REEP1: variants seen among roughly 807,000 people sequenced by gnomAD.
REEP1 encodes receptor expression-enhancing protein 1.
Under a neutral mutation model 40.3 loss-of-function variants are expected in REEP1, and 22 were observed. The observed-to-expected ratio is 0.55, with a 90% CI of 0.39 to 0.78. The LOEUF is 0.78. Among genes scored for constraint, REEP1 ranks in the 30% least tolerant of loss-of-function variants. The pLI is 0.00. For missense variants in REEP1, 280 were observed against 361.1 expected, an observed-to-expected ratio of 0.78 and a Z score of 1.82; for synonymous variants, 116 against 139.2, an observed-to-expected ratio of 0.83 and a Z score of 1.17.
Position 86,240,411 on chromosome 2 carries a change from C to T in REEP1, c.418-7609G>A, listed in dbSNP as rs77355479. On this transcript the variant is annotated intron_variant, in intron 5 of 8. Transcript: ENST00000538924. ...ATGGCACCGTCACCGTGGCTGAGCA[C>T]GTGCAGAGGCCTCATCCTCTCACAC... Among the ~76,000 whole-genome samples, 256 of 152,334 alleles carry T rather than the reference C, an allele frequency of 1.7e-3. 3 individuals are homozygous for T. The highest frequency in any genetic ancestry group is 7.3e-3 in the East Asian group (38 of 5,174).
intron 2 of REEP1, among the ~76,000 whole-genome samples, chr2:86,275,789 C>T (rs1312954484): frequency 6.6e-6 from 1 of 152,192 alleles, no homozygotes; most frequent in African/African-American, 2.4e-5. Flanking sequence ...GTCATTTCCA[C>T]GTCTTTGTGA....
At chr2:86,273,617 A>T (rs1027897032) in intron 2 of REEP1, among the ~76,000 whole-genome samples, 1 of 151,984 alleles carries the variant, frequency 6.6e-6, no homozygotes, top group Non-Finnish European at 1.5e-5. Context: ...TCAAAAGCTC[A>T]TCCACACCCC....
chr2:86,282,082 C>T, intron 2 of REEP1, 88 bp downstream of exon 2: 1 of 869,702 alleles, frequency 1.1e-6, no homozygotes, highest in Non-Finnish European at 2.0e-6. Context: ...TTCCAGTGCC[C>T]ATAGCACGGA....
intron 1 of REEP1, among the ~76,000 whole-genome samples, chr2:86,287,285 TCC>T (rs943125079): frequency 9.9e-5 from 15 of 152,088 alleles, no homozygotes; most frequent in Admixed American, 2.6e-4. Flanking sequence ...CCAGGGTTTC[TCC>T]ACATTGTCGA....
At chr2:86,260,204 T>C (rs1676783520) in intron 3 of REEP1, among the ~76,000 whole-genome samples, 3 of 152,110 alleles carry the variant, frequency 2.0e-5, no homozygotes, top group South Asian at 2.1e-4. Context: ...GGTGAGGACA[T>C]GATCAGGCTG....
At chr2:86,259,323 ACTTACT>A (rs1558895205) in intron 3 of REEP1, among the ~76,000 whole-genome samples, 3 of 151,880 alleles carry the variant, frequency 2.0e-5, no homozygotes, top group Admixed American at 1.3e-4. Flanking sequence ...GAAGAGAGAC[ACTTACT>A]CTTCAGTGTA....
At chr2:86,280,895 C>G (rs1406292034) in intron 2 of REEP1, among the ~76,000 whole-genome samples, 2 of 152,124 alleles carry the variant, frequency 1.3e-5, no homozygotes, top group Non-Finnish European at 2.9e-5. Flanking sequence ...CTAAGCCCAC[C>G]TTGAATTGTT....
chr2:86,314,090 CACAGTGA>C (rs1679883203), intron 1 of REEP1, among the ~76,000 whole-genome samples: 1 of 152,188 alleles, frequency 6.6e-6, no homozygotes, highest in East Asian at 1.9e-4. Flanking sequence ...AAGGCTGACC[CACAGTGA>C]CTGGAATGAT....
rs531910987 is a variant in REEP1 at position 86,244,841 on chromosome 2, G to A, written c.417+7116C>T. 2.7e-4 allele frequency among the ~76,000 whole-genome samples: 41 copies of A among 152,284 alleles called. 1 individual carries two copies. The highest frequency in any genetic ancestry group is 9.9e-4 in the African/African-American group (41 of 41,566). ...TGCTATCAGCCATACTGGCAAATGAGGACTTGAAATGGGGCTAGTACAGCC... is the reference window on the plus strand; with the variant it reads ...TGCTATCAGCCATACTGGCAAATGAAGACTTGAAATGGGGCTAGTACAGCC... On this transcript the variant is annotated intron_variant, in intron 5 of 8. Coordinates refer to ENST00000538924, the MANE Select transcript of REEP1 (RefSeq NM_001371279.1).
intron 2 of REEP1, among the ~76,000 whole-genome samples, chr2:86,277,551 G>A (rs1320540176): frequency 7.7e-6 from 1 of 129,604 alleles, no homozygotes; most frequent in Admixed American, 8.0e-5. Flanking sequence ...GCGAGACTCT[G>A]TATCAAAAAA....
intron 1 of REEP1, among the ~76,000 whole-genome samples, chr2:86,303,789 G>C (rs1364777513): frequency 6.6e-6 from 1 of 152,178 alleles, no homozygotes; most frequent in Non-Finnish European, 1.5e-5. Flanking sequence ...CAGGAGGGGA[G>C]AACAGCATGA....
chr2:86,230,922 C>A (rs530239211), intron 6 of REEP1, among the ~76,000 whole-genome samples: 62 of 152,328 alleles, frequency 4.1e-4, no homozygotes, highest in Non-Finnish European at 7.8e-4. Flanking sequence ...CAGCTTTCAT[C>A]TGAGGCTTGG....
chr2:86,273,341 G>A lies in REEP1; in HGVS notation c.105+8829C>T, dbSNP rs544110783. On this transcript the variant is annotated intron_variant, in intron 2 of 8. Coordinates refer to ENST00000538924, the MANE Select transcript of REEP1 (RefSeq NM_001371279.1). ...CGCTTGTCATCCAAGCTGAAGTGCT[G>A]TGGTGCAAACACAGCTCACTGCAGT... 2.4e-3 allele frequency among the ~76,000 whole-genome samples: 350 copies of A among 144,978 alleles called. 3 individuals are homozygous for A. Among genetic ancestry groups the A allele is most frequent in the African/African-American group, 8.7e-3 (337 of 38,752 alleles).
intron 1 of REEP1, among the ~76,000 whole-genome samples, chr2:86,303,312 G>A (rs988820127): frequency 1.4e-5 from 2 of 145,354 alleles, no homozygotes; most frequent in East Asian, 4.2e-4. Flanking sequence ...CGCCTCCCAG[G>A]TTCAAGTGAT....
chr2:86,292,418 A>G lies in REEP1; in HGVS notation c.33-10176T>C, dbSNP rs1678762514. On this transcript the variant is annotated intron_variant, in intron 1 of 8. Coordinates refer to ENST00000538924, the MANE Select transcript of REEP1 (RefSeq NM_001371279.1). ...TGTGTGCCCTGGGCCATCTGATAGGAAAGGCAGGCAGCAAGCAGATAATTA... is the reference window on the plus strand; with the variant it reads ...TGTGTGCCCTGGGCCATCTGATAGGGAAGGCAGGCAGCAAGCAGATAATTA... 2.6e-5 allele frequency among the ~76,000 whole-genome samples: 4 copies of G among 152,214 alleles called. No homozygotes were observed. In the South Asian group the frequency reaches 8.3e-4, roughly 32 times the overall value.
At position 86,246,862 on chromosome 2, in the gene REEP1, C is replaced by T. The variant is rs1055945279; in HGVS notation, c.417+5095G>A. 3.3e-5 allele frequency among the ~76,000 whole-genome samples: 5 copies of T among 151,900 alleles called. No homozygotes were observed. The South Asian group carries it at 6.2e-4, about 19-fold the overall frequency. On this transcript the variant is annotated intron_variant, in intron 5 of 8. Transcript: ENST00000538924. The stretch of plus-strand genomic sequence containing the variant: ...GATTACAGGCATGCACCACCACGCC[C>T]GGCTAATTTTGTATTTTCAGTGGAG...
At chr2:86,312,045 C>T (rs927730999) in intron 1 of REEP1, among the ~76,000 whole-genome samples, 3 of 152,202 alleles carry the variant, frequency 2.0e-5, no homozygotes, top group Non-Finnish European at 4.4e-5. Context: ...TTTTCATTCT[C>T]ACCGCCAAGA....
At chr2:86,334,954 T>C (rs1004229703) in intron 1 of REEP1, among the ~76,000 whole-genome samples, 2 of 152,132 alleles carry the variant, frequency 1.3e-5, no homozygotes, top group Admixed American at 1.3e-4. Context: ...CTGATCTGAG[T>C]TGTGAACTGG....
intron 1 of REEP1, among the ~76,000 whole-genome samples, chr2:86,284,755 G>C (rs754285384): frequency 1.3e-5 from 2 of 152,120 alleles, no homozygotes; most frequent in Non-Finnish European, 2.9e-5. Context: ...GTGAACCCGT[G>C]GGTCGTGACA....
Sources: allele counts gnomAD v4.1 joint callset (sites outside exome capture counted in the v4.1 genomes callset), GRCh38; gene constraint gnomAD v4.1.1; transcripts MANE v1.5; gene names NCBI Gene and HGNC (gene_info 2026-07-23, HGNC 2026-07-21).